Variants in CNTN1 observed in about 807,000 individuals in gnomAD.
CNTN1 encodes the protein contactin 1, also known as contactin-1.
A neutral mutation model predicts 126.4 loss-of-function variants in CNTN1; 38 were observed. That is an observed-to-expected ratio of 0.30 (90% CI 0.23 to 0.39). CNTN1 has a LOEUF of 0.39. Among genes scored for constraint, CNTN1 ranks in the 10% least tolerant of loss-of-function variants. CNTN1 has a pLI of 1.00. For synonymous variants in CNTN1, 413 were observed against 422.6 expected, an observed-to-expected ratio of 0.98 and a Z score of 0.28; for missense variants, 1,009 against 1,248.4, an observed-to-expected ratio of 0.81 and a Z score of 2.89.
At chr12:41,026,993 A>T (rs758250042) in intron 21 of CNTN1, among the ~76,000 whole-genome samples, 1 of 152,168 alleles carries the variant, frequency 6.6e-6, no homozygotes, top group Non-Finnish European at 1.5e-5. Flanking sequence ...AATGAGTGGG[A>T]TGAGAGACTA....
chr12:40,735,004 G>A (rs185099075), intron 1 of CNTN1, among the ~76,000 whole-genome samples: 4 of 152,210 alleles, frequency 2.6e-5, no homozygotes, highest in African/African-American at 7.2e-5. Flanking sequence ...CTAGGCATAC[G>A]ATTTTATGAT....
intron 1 of CNTN1, among the ~76,000 whole-genome samples, chr12:40,773,128 C>T (rs941331934): frequency 4.6e-5 from 7 of 151,740 alleles, no homozygotes; most frequent in African/African-American, 1.7e-4. Flanking sequence ...TATGTTGACT[C>T]TAATATTAAT....
At chr12:40,897,499 A>G (rs1423391520) in intron 1 of CNTN1, among the ~76,000 whole-genome samples, 3 of 152,202 alleles carry the variant, frequency 2.0e-5, no homozygotes, top group Admixed American at 6.5e-5. Context: ...AGTTGCTTAC[A>G]TTCAGGGAGA....
At chr12:41,046,771 C>T (rs1949548072) in intron 23 of CNTN1, among the ~76,000 whole-genome samples, 1 of 151,038 alleles carries the variant, frequency 6.6e-6, no homozygotes. Flanking sequence ...TAGTTTATTT[C>T]CTTAAATCTC....
intron 4 of CNTN1, among the ~76,000 whole-genome samples, chr12:40,919,602 T>G (rs923184945): frequency 6.6e-6 from 1 of 152,162 alleles, no homozygotes; most frequent in Non-Finnish European, 1.5e-5. Flanking sequence ...TATTTTTTCC[T>G]TGATACAAAA....
chr12:40,993,043 A>G (rs1173448187), intron 16 of CNTN1, 77 bp from the exon 17 acceptor site: 2 of 1,318,804 alleles, frequency 1.5e-6, no homozygotes, highest in Non-Finnish European at 2.2e-6. Context: ...TCCCTGAAAT[A>G]GTAAAATAAA....
At chr12:40,888,516 A>G (rs919910873) in intron 1 of CNTN1, among the ~76,000 whole-genome samples, 3 of 152,180 alleles carry the variant, frequency 2.0e-5, no homozygotes, top group Non-Finnish European at 2.9e-5. Context: ...TTGGTCACCT[A>G]TGGTTTCTGT....
At chr12:40,737,576 T>G (rs2066813074) in intron 1 of CNTN1, among the ~76,000 whole-genome samples, 1 of 151,700 alleles carries the variant, frequency 6.6e-6, no homozygotes, top group African/African-American at 2.4e-5. Context: ...CACTTTTTTC[T>G]GCCTGCTTTA....
At chr12:41,040,612 C>T (rs1444569785) in intron 23 of CNTN1, among the ~76,000 whole-genome samples, 2 of 152,052 alleles carry the variant, frequency 1.3e-5, no homozygotes, top group Non-Finnish European at 2.9e-5. Flanking sequence ...TGTAGTTCTC[C>T]TTGAAGAGGT....
intron 1 of CNTN1, among the ~76,000 whole-genome samples, chr12:40,696,262 A>T (rs1163744624): frequency 2.6e-5 from 4 of 152,172 alleles, no homozygotes; most frequent in African/African-American, 9.7e-5. Flanking sequence ...GGAGACTACA[A>T]CTTTACAGGC....
intron 7 of CNTN1, 112 bp downstream of exon 7, chr12:40,930,114 A>G: frequency 1.1e-6 from 1 of 896,936 alleles, no homozygotes; most frequent in Middle Eastern, 2.2e-4. Flanking sequence ...CAGGAAGGAC[A>G]ATATAAAAGG....
At chr12:40,822,148 C>CTT (rs777953120) in intron 1 of CNTN1, among the ~76,000 whole-genome samples, 931 of 47,230 alleles carry the variant, frequency 0.02, 113 homozygotes, top group South Asian at 0.056. Flanking sequence ...AAATATAAAT[C>CTT]TTTTTTTTTT....
intron 1 of CNTN1, among the ~76,000 whole-genome samples, chr12:40,822,688 A>C (rs1242630649): frequency 6.6e-6 from 1 of 152,166 alleles, no homozygotes; most frequent in Admixed American, 6.5e-5. Context: ...AAAGTTATTT[A>C]AATGATCTCA....
chr12:40,957,664 G>C (rs74673566), intron 14 of CNTN1, among the ~76,000 whole-genome samples: 17,694 of 151,388 alleles, frequency 0.12, 1,082 homozygotes, highest in Non-Finnish European at 0.12. Context: ...CTCCCCTATT[G>C]CAGGAATTTG....
At chr12:40,772,903 G>A (rs1939398628) in intron 1 of CNTN1, among the ~76,000 whole-genome samples, 2 of 151,972 alleles carry the variant, frequency 1.3e-5, no homozygotes, top group South Asian at 4.1e-4. Context: ...AATTTCTATG[G>A]GAAGTGGAAC....
intron 17 of CNTN1, among the ~76,000 whole-genome samples, chr12:41,011,816 C>A (rs1948662075): frequency 6.6e-6 from 1 of 152,186 alleles, no homozygotes; most frequent in Non-Finnish European, 1.5e-5. Context: ...CTTAGAGAAT[C>A]ATTCCAGTTA....
chr12:41,054,941 T>C (rs1949768989), intron 23 of CNTN1, among the ~76,000 whole-genome samples: 1 of 152,134 alleles, frequency 6.6e-6, no homozygotes, highest in African/African-American at 2.4e-5. Flanking sequence ...TTAGACGAAA[T>C]CCAACATTGC....
chr12:40,903,605 G>A (rs893246334), intron 1 of CNTN1, among the ~76,000 whole-genome samples: 2 of 152,012 alleles, frequency 1.3e-5, no homozygotes, highest in African/African-American at 4.8e-5. Flanking sequence ...TGGGATAACT[G>A]GTGACACAAT....
At chr12:40,866,016 G>A (rs1018907720) in intron 1 of CNTN1, among the ~76,000 whole-genome samples, 2 of 152,106 alleles carry the variant, frequency 1.3e-5, no homozygotes, top group Admixed American at 1.3e-4. Flanking sequence ...AGTTTTCAGT[G>A]TAAATTTCTT....
Sources: gnomAD v4.1 joint callset for allele counts (sites outside exome capture counted in the v4.1 genomes callset) on GRCh38, gnomAD v4.1.1 for gene constraint, MANE v1.5 for transcripts, NCBI Gene and HGNC (gene_info 2026-07-23, HGNC 2026-07-21) for gene names.